XRN1: variants seen among roughly 807,000 people sequenced by gnomAD.
XRN1 encodes strand-exchange protein 1 homolog.
XRN1 carries 67 observed loss-of-function variants against 222.3 expected under a neutral mutation model. The ratio of observed to expected loss-of-function variants is 0.30; its 90% CI spans 0.25 to 0.37. The LOEUF (loss-of-function observed/expected upper bound fraction) is 0.37, where lower values mean the gene tolerates loss of function less well. Among genes scored for constraint, XRN1 ranks in the 10% least tolerant of loss-of-function variants. XRN1 has a pLI of 1.00. For missense variants in XRN1, 1,707 were observed against 2,000.2 expected (o/e 0.85, Z 2.80); for synonymous variants, 643 against 652.4 (o/e 0.99, Z 0.22).
intron 11 of XRN1, 24 bp downstream of exon 11, chr3:142,418,791 T>C (rs945616257): frequency 1.2e-6 from 2 of 1,611,136 alleles, no homozygotes; most frequent in Non-Finnish European, 1.7e-6. Context: ...TAGTAACATA[T>C]CAAAACACAT....
chr3:142,350,560 GCAT>G (rs2066276173), intron 32 of XRN1, among the ~76,000 whole-genome samples: 1 of 152,106 alleles, frequency 6.6e-6, no homozygotes, highest in Non-Finnish European at 1.5e-5. Flanking sequence ...TATTTTAATA[GCAT>G]CACTCTGCCT....
Position 142,375,854 on chromosome 3 carries a change from T to A in XRN1, c.2922A>T (p.Gly974=). The A allele has an allele frequency of 6.2e-7, 1 of 1,613,978 alleles. No homozygotes were observed. Among genetic ancestry groups the A allele is most frequent in the Non-Finnish European group, 8.5e-7 (1 of 1,179,952 alleles). ...EEVPGYTKKV[G]SEWMYSSAAE... ...CTGCAGATGAATACATCCATTCACT[T>A]CCAACTTTCTTAGTATATCCAGGTA... The change falls in exon 25 of 41, where the codon GGA becomes GGT. Residue 974 remains glycine (G), a synonymous_variant. Coordinates refer to ENST00000392981, the MANE Select transcript of XRN1 (RefSeq NM_001282857.2).
At chr3:142,328,768 T>C (rs1013119310) in intron 37 of XRN1, among the ~76,000 whole-genome samples, 2 of 86,230 alleles carry the variant, frequency 2.3e-5, no homozygotes, top group Non-Finnish European at 4.5e-5. Context: ...TATATATATA[T>C]ATGTTTCAGA....
At chr3:142,431,906 A>ATAT (rs2069583368) in intron 2 of XRN1, among the ~76,000 whole-genome samples, 2 of 36,890 alleles carry the variant, frequency 5.4e-5, no homozygotes, top group East Asian at 7.0e-4. Flanking sequence ...TATATATTAT[A>ATAT]TATATAAATA....
chr3:142,382,846 AG>A (rs112783602), intron 22 of XRN1, among the ~76,000 whole-genome samples: 19,553 of 152,140 alleles, frequency 0.13, 1,257 homozygotes, highest in African/African-American at 0.14. Flanking sequence ...AGAAACCAAG[AG>A]TTCACACTAA....
Position 142,431,883 on chromosome 3 carries a change from AT to A in XRN1, c.308+777del, listed in dbSNP as rs386398117. ...ATATATAATATATTATATTATATAT[AT>A]TATATATAATATATATATTATATAT... On this transcript the variant is annotated intron_variant, in intron 2 of 40. Coordinates refer to ENST00000392981, the MANE Select transcript of XRN1 (RefSeq NM_001282857.2). Among the ~76,000 whole-genome samples the A allele has an allele frequency of 8.5e-3, 426 of 49,850 alleles. 14 individuals are homozygous for A. Among genetic ancestry groups the A allele is most frequent in the African/African-American group, 0.053 (405 of 7,664 alleles). The allele number at this position is 49,850 out of a possible 152,430, so 32.7% of individuals were successfully genotyped here.
At position 142,318,912 on chromosome 3, in the gene XRN1, A is replaced by G; in HGVS notation, c.4405-9T>C. 2 of 1,607,206 alleles carry G rather than the reference A, an allele frequency of 1.2e-6. No homozygotes were observed. Among genetic ancestry groups the G allele is most frequent in the Non-Finnish European group, 1.7e-6 (2 of 1,174,638 alleles). On this transcript the variant is annotated splice_polypyrimidine_tract_variant and intron_variant, in intron 37 of 40. Transcript: ENST00000392981. The stretch of plus-strand genomic sequence containing the variant: ...TGGCAAACGGTCATTGTCTAAAAAA[A>G]GAGAATATATATGTCTATGAAATTC...
rs1359046103 is a variant in XRN1 at position 142,412,647 on chromosome 3, T to C, written c.1610A>G (p.Glu537Gly). The C allele has an allele frequency of 1.3e-6, 2 of 1,589,894 alleles. No individual in the cohort carries two copies. Among genetic ancestry groups the C allele is most frequent in the East Asian group, 2.2e-5 (1 of 44,528 alleles). Reference protein sequence around the residue: ...PACYQHLMTNEDSPIIEYYPP... With the variant: ...PACYQHLMTNGDSPIIEYYPP... Reference sequence around the variant, plus strand: ...GTAATATTCTATAATTGGTGAGTCTTCATTGGTCATCAAATGCTGTGAAAA... The same window carrying C: ...GTAATATTCTATAATTGGTGAGTCTCCATTGGTCATCAAATGCTGTGAAAA... The change falls in exon 15 of 41, where the codon GAA becomes GGA. Residue 537 changes from glutamate (E) to glycine (G), a missense_variant. Around this residue, in one of 2 missense-constraint regions of XRN1, gnomAD observed 1,234 missense variants for 1,518.2 expected, o/e 0.81. Transcript: ENST00000392981.
At chr3:142,429,925 C>G (rs1001363538) in intron 2 of XRN1, among the ~76,000 whole-genome samples, 1 of 152,168 alleles carries the variant, frequency 6.6e-6, no homozygotes, top group African/African-American at 2.4e-5. Flanking sequence ...AAGCAAGGAA[C>G]AGGGAATCAG....
rs1386519814 is a variant in XRN1, at chr3:142,403,663, A to G, written c.2103+11T>C. 2 of 1,608,074 alleles carry G rather than the reference A, an allele frequency of 1.2e-6. No homozygotes were observed. Among genetic ancestry groups the G allele is most frequent in the East Asian group, 4.5e-5 (2 of 44,764 alleles). On this transcript the variant is annotated intron_variant, in intron 18 of 40. Coordinates refer to ENST00000392981, the MANE Select transcript of XRN1 (RefSeq NM_001282857.2). Reference sequence around the variant, plus strand: ...GGCATCTAATAAATGAATGATAAATAAAATACTTACAAGTTCATCTGATTC... The same window carrying G: ...GGCATCTAATAAATGAATGATAAATGAAATACTTACAAGTTCATCTGATTC...
chr3:142,381,614 C>G (rs2067307851), intron 22 of XRN1, among the ~76,000 whole-genome samples: 1 of 135,674 alleles, frequency 7.4e-6, no homozygotes, highest in Non-Finnish European at 1.5e-5. Context: ...GTCATCAAGG[C>G]TGGAGTGCAG....
chr3:142,379,787 C>A (rs2067248601), intron 23 of XRN1, among the ~76,000 whole-genome samples: 1 of 152,172 alleles, frequency 6.6e-6, no homozygotes, highest in Non-Finnish European at 1.5e-5. Context: ...ACACCTAAAT[C>A]TGTTCCCAGA....
At chr3:142,398,343 T>C (rs1263543339) in intron 19 of XRN1, among the ~76,000 whole-genome samples, 1 of 151,780 alleles carries the variant, frequency 6.6e-6, no homozygotes, top group Non-Finnish European at 1.5e-5. Flanking sequence ...ACAAATTCAA[T>C]ATGAAGTATG....
intron 2 of XRN1, among the ~76,000 whole-genome samples, chr3:142,430,541 A>C (rs1370865611): frequency 6.6e-6 from 1 of 152,208 alleles, no homozygotes; most frequent in Non-Finnish European, 1.5e-5. Flanking sequence ...AAGATCTCAC[A>C]GTCTTTCTAA....
chr3:142,360,387 T>C (rs1236290603), intron 29 of XRN1, among the ~76,000 whole-genome samples: 3 of 152,190 alleles, frequency 2.0e-5, no homozygotes, highest in Non-Finnish European at 2.9e-5. Flanking sequence ...TAGTATCCCA[T>C]CTATGGGTAT....
intron 1 of XRN1, among the ~76,000 whole-genome samples, chr3:142,442,259 C>G (rs557114683): frequency 2.6e-5 from 4 of 152,264 alleles, no homozygotes; most frequent in Admixed American, 6.5e-5. Context: ...ATTGGCTGTA[C>G]AGAAACCTAA....
intron 32 of XRN1, among the ~76,000 whole-genome samples, chr3:142,348,667 G>T (rs2066218169): frequency 6.6e-6 from 1 of 152,082 alleles, no homozygotes; most frequent in African/African-American, 2.4e-5. Flanking sequence ...ATGGACACTG[G>T]GTACAAAGAC....
At chr3:142,350,337 G>C (rs1473284129) in intron 32 of XRN1, among the ~76,000 whole-genome samples, 2 of 152,102 alleles carry the variant, frequency 1.3e-5, no homozygotes, top group South Asian at 2.1e-4. Context: ...CAAAGGCCCT[G>C]TTGTGGGGAC....
At chr3:142,416,504 T>C (rs1178859815) in intron 13 of XRN1, among the ~76,000 whole-genome samples, 1 of 152,134 alleles carries the variant, frequency 6.6e-6, no homozygotes, top group Non-Finnish European at 1.5e-5. Flanking sequence ...TTATTCTTGA[T>C]AGAGAATTTT....
Sources: gnomAD v4.1 joint callset for allele counts (sites outside exome capture counted in the v4.1 genomes callset) on GRCh38, gnomAD v4.1.1 for gene constraint, gnomAD v4.1.1 regional missense constraint, MANE v1.5 for transcripts, NCBI Gene and HGNC (gene_info 2026-07-23, HGNC 2026-07-21) for gene names.